Variants in AHI1 observed in about 807,000 individuals in gnomAD.
AHI1 encodes the protein Abelson helper integration site 1.
In AHI1, 123 loss-of-function variants were observed where a neutral mutation model predicts 149.3. That is an observed-to-expected ratio of 0.82 (90% CI 0.71 to 0.96). The LOEUF is 0.96. Ranked by LOEUF, AHI1 falls within the 40% of genes least tolerant of loss-of-function variation. The pLI is 0.00. For missense variants in AHI1, 1,439 were observed against 1,422.7 expected, an observed-to-expected ratio of 1.01 and a Z score of -0.18; for synonymous variants, 475 against 459.8, an observed-to-expected ratio of 1.03 and a Z score of -0.42.
At chr6:135,434,328 G>A (rs1025359921) in intron 15 of AHI1, among the ~76,000 whole-genome samples, 9 of 151,802 alleles carry the variant, frequency 5.9e-5, no homozygotes, top group East Asian at 1.9e-4. Flanking sequence ...ACATGTTTTC[G>A]AGTAAAAATA....
chr6:135,307,081 T>C (rs1784610249), intron 26 of AHI1: 2 of 152,044 alleles, frequency 1.3e-5, no homozygotes, highest in South Asian at 2.1e-4. Context: ...CCTATAGCAA[T>C]GGGGAAGCGG....
intron 20 of AHI1, among the ~76,000 whole-genome samples, chr6:135,426,456 T>TAA (rs1783923114): frequency 6.6e-6 from 1 of 151,740 alleles, no homozygotes; most frequent in Non-Finnish European, 1.5e-5. Context: ...CAATTCAATC[T>TAA]ATATTAACTT....
At chr6:135,438,120 A>G (rs1217459119) in intron 15 of AHI1, among the ~76,000 whole-genome samples, 1 of 152,188 alleles carries the variant, frequency 6.6e-6, no homozygotes, top group Non-Finnish European at 1.5e-5. Flanking sequence ...AGCATTAATC[A>G]GTTTACATAA....
Position 135,411,467 on chromosome 6 carries a change from C to T in AHI1, c.2842G>A (p.Ala948Thr), listed in dbSNP as rs778174191. Residue 948 changes from alanine (A) to threonine (T), a missense_variant, in exon 21 of 29, where the codon GCC becomes ACC. Transcript: ENST00000265602. ...PLPGIHQSQD[A>T]LCTCPKLPHQ... Reference sequence around the variant, plus strand: ...GGTAGTTTTGGACAGGTACATAGGGCATCTTGACTTTGGTGTATTCCAGGT... The same window carrying T: ...GGTAGTTTTGGACAGGTACATAGGGTATCTTGACTTTGGTGTATTCCAGGT... The T allele has an allele frequency of 6.2e-7, 1 of 1,613,016 alleles. No homozygotes were observed.
chr6:135,463,252 T>G lies in AHI1; in HGVS notation c.804A>C (p.Ser268=), dbSNP rs35528530. The G allele has an allele frequency of 1.9e-3, 3,088 of 1,610,956 alleles. 39 individuals carry two copies. The African/African-American group carries it at 0.035, about 18-fold the overall frequency. The stretch of plus-strand genomic sequence containing the variant: ...GAGAATCTGAAGAAACTGATCTAAC[T>G]GAAGATTCTTTCTTTTGTTCACCTT... The part of the protein sequence containing the change: ...TVEGEQKKES[S]VRSVSSDSHQ... The change falls in exon 8 of 29, where the codon TCA becomes TCC. Residue 268 remains serine (S), a synonymous_variant. Transcript: ENST00000265602.
chr6:135,329,958 A>T (rs1428504166), intron 24 of AHI1, among the ~76,000 whole-genome samples: 1 of 152,236 alleles, frequency 6.6e-6, no homozygotes, highest in African/African-American at 2.4e-5. Context: ...TAGAATTAGA[A>T]GTGGAGCCTG....
intron 15 of AHI1, among the ~76,000 whole-genome samples, 158 bp downstream of exon 15, chr6:135,438,217 C>T (rs537899539): frequency 3.9e-5 from 6 of 152,280 alleles, no homozygotes; most frequent in African/African-American, 1.2e-4. Context: ...AAAAGTGTTA[C>T]TATAATTTAT....
chr6:135,496,807 T>C (rs1796025879), intron 2 of AHI1, among the ~76,000 whole-genome samples: 1 of 152,232 alleles, frequency 6.6e-6, no homozygotes, highest in African/African-American at 2.4e-5. Context: ...TCTTCATAAG[T>C]AAACAAGATT....
chr6:135,319,018 A>G (rs1261937436), intron 25 of AHI1, among the ~76,000 whole-genome samples: 1 of 152,254 alleles, frequency 6.6e-6, no homozygotes, highest in East Asian at 1.9e-4. Context: ...CAGTCTGGTC[A>G]GAGAAAGACA....
At position 135,302,647 on chromosome 6, in the gene AHI1, A is replaced by G. The variant is rs1021538042; in HGVS notation, c.3427-2089T>C. Reference sequence around the variant, plus strand: ...GGGGGTCCACATTACAAAGTTTACCACTTACTTGAAAAGGACACTTACTTA... The same window carrying G: ...GGGGGTCCACATTACAAAGTTTACCGCTTACTTGAAAAGGACACTTACTTA... On this transcript the variant is annotated intron_variant, in intron 26 of 28. Coordinates refer to ENST00000265602, the MANE Select transcript of AHI1 (RefSeq NM_001134831.2). The G allele has an allele frequency of 1.2e-5, 14 of 1,166,368 alleles. No homozygotes were observed. The African/African-American group carries it at 1.6e-4, about 14-fold the overall frequency. 72.3% of individuals were successfully genotyped at this position (1,166,368 alleles called of 1,614,324 possible). A position where few individuals can be genotyped will look rare whatever the true frequency, so the allele number is the denominator to read the frequency against.
At chr6:135,481,387 T>C (rs76004905) in intron 5 of AHI1, among the ~76,000 whole-genome samples, 7 of 152,352 alleles carry the variant, frequency 4.6e-5, no homozygotes, top group African/African-American at 1.2e-4. Context: ...TCAGATTTCT[T>C]TGGATTTTGT....
intron 23 of AHI1, among the ~76,000 whole-genome samples, chr6:135,385,634 GC>G (rs1280392492): frequency 6.6e-6 from 1 of 152,196 alleles, no homozygotes; most frequent in Non-Finnish European, 1.5e-5. Flanking sequence ...AGATATAGAA[GC>G]TATCTGACTA....
chr6:135,491,431 C>G (rs1221525181), intron 4 of AHI1, among the ~76,000 whole-genome samples: 1 of 152,186 alleles, frequency 6.6e-6, no homozygotes, highest in East Asian at 1.9e-4. Flanking sequence ...CAAGCTTCCT[C>G]TAATTCCTCA....
Position 135,428,685 on chromosome 6 carries a change from G to A in AHI1, c.2567C>T (p.Thr856Ile), listed in dbSNP as rs199736888. 12 of 1,608,814 alleles carry A rather than the reference G, an allele frequency of 7.5e-6. No individual in the cohort carries two copies. Among genetic ancestry groups the A allele is most frequent in the South Asian group, 1.1e-5 (1 of 90,360 alleles). ...KIHSTLTPCG[T>I]FLFAGSEDGI... is the part of the protein sequence containing the mutation. The stretch of plus-strand genomic sequence containing the variant: ...ATCCTCACTTCCAGCAAACAGAAAA[G>A]TCCCACATGGAGTCAAAGTACTATG... Residue 856 changes from threonine to isoleucine, a missense_variant, in exon 19 of 29, where the codon ACT becomes ATT. Transcript: ENST00000265602.
intron 5 of AHI1, among the ~76,000 whole-genome samples, chr6:135,475,723 T>G (rs1165741543): frequency 2.0e-5 from 3 of 152,018 alleles, no homozygotes; most frequent in Non-Finnish European, 2.9e-5. Context: ...TACTGGGGGG[T>G]GTACCTGAAA....
chr6:135,371,891 G>A (rs1475001663), intron 23 of AHI1, among the ~76,000 whole-genome samples: 1 of 152,178 alleles, frequency 6.6e-6, no homozygotes, highest in East Asian at 1.9e-4. Flanking sequence ...AAAGGTGTGA[G>A]TAGAAAATTA....
At chr6:135,457,782 A>G in intron 8 of AHI1, 69 bp from the exon 9 acceptor site, 2 of 1,394,914 alleles carry the variant, frequency 1.4e-6, no homozygotes, top group Non-Finnish European at 2.0e-6. Context: ...CATATAACCT[A>G]ATCTTTAAGA....
At chr6:135,349,075 C>T (rs1207562213) in intron 24 of AHI1, among the ~76,000 whole-genome samples, 2 of 152,100 alleles carry the variant, frequency 1.3e-5, no homozygotes, top group African/African-American at 2.4e-5. Context: ...GTCTTGAACT[C>T]CTGGGCTCAA....
chr6:135,330,610 G>C (rs1023977902), intron 24 of AHI1, among the ~76,000 whole-genome samples: 1 of 152,132 alleles, frequency 6.6e-6, no homozygotes, highest in Non-Finnish European at 1.5e-5. Context: ...GAACCAAACC[G>C]GCAATATCTT....
Sources: allele counts gnomAD v4.1 joint callset (sites outside exome capture counted in the v4.1 genomes callset), GRCh38; gene constraint gnomAD v4.1.1; transcripts MANE v1.5; gene names NCBI Gene and HGNC (gene_info 2026-07-23, HGNC 2026-07-21).